ALLC: variants seen among roughly 807,000 people sequenced by gnomAD.
ALLC encodes the protein probable inactive allantoicase.
In ALLC, 40 loss-of-function variants were observed where a neutral mutation model predicts 45.0. The observed-to-expected ratio is 0.89, with a 90% CI of 0.69 to 1.16. The LOEUF is 1.16. Among genes scored for constraint, ALLC ranks in the 50% most tolerant of loss-of-function variants. ALLC has a pLI of 0.00. For missense variants in ALLC, 488 were observed against 493.1 expected, an observed-to-expected ratio of 0.99 and a Z score of 0.10; for synonymous variants, 176 against 178.1, an observed-to-expected ratio of 0.99 and a Z score of 0.09.
rs372310555 is a variant in ALLC, at chr2:3,702,612, T to C, written c.*49T>C. ...ACACACAGCAGTAATTTCCCAGTCA[T>C]AGTCTTCTTTTCAAATGTTTTGAAC... On this transcript the variant is annotated 3_prime_UTR_variant, in exon 12 of 12. Transcript: ENST00000252505. 178 of 1,478,738 alleles carry C rather than the reference T, an allele frequency of 1.2e-4. No individual in the cohort carries two copies. The highest frequency in any genetic ancestry group is 1.5e-4 in the Non-Finnish European group (171 of 1,111,738). 91.6% of individuals were successfully genotyped at this position (1,478,738 alleles called of 1,614,324 possible).
chr2:3,646,911 T>C, the ALLC span, among the ~76,000 whole-genome samples: 1 of 150,054 alleles, frequency 6.7e-6, no homozygotes, highest in Non-Finnish European at 1.5e-5. Flanking sequence ...GTTTGTGTGT[T>C]GGGGGGCCAG....
Position 3,679,856 on chromosome 2 carries a change from C to T in ALLC, c.173-13C>T, listed in dbSNP as rs369569163. The T allele has an allele frequency of 4.0e-5, 65 of 1,613,592 alleles. 1 individual carries two copies. In the South Asian group the frequency reaches 6.9e-4, roughly 17 times the overall value. ...GCCCTAACGAGACTGCTCTTGTCCT[C>T]TGTGTTGCGCAGGTCACGACTGGTG... On this transcript the variant is annotated splice_polypyrimidine_tract_variant and intron_variant, in intron 4 of 11. Coordinates refer to ENST00000252505, the MANE Select transcript of ALLC (RefSeq NM_018436.4).
intron 1 of ALLC, among the ~76,000 whole-genome samples, chr2:3,660,066 C>T (rs1666533001): frequency 6.6e-6 from 1 of 152,194 alleles, no homozygotes; most frequent in South Asian, 2.1e-4. Context: ...CAATCAGATC[C>T]CCCGTGTTGG....
chr2:3,689,057 A>G (rs1667405531), intron 7 of ALLC: 1 of 150,768 alleles, frequency 6.6e-6, no homozygotes, highest in Non-Finnish European at 1.5e-5. Flanking sequence ...AAGAGAAGAG[A>G]GCCAGTCTCA....
At chr2:3,668,841 G>A (rs545139237) in intron 1 of ALLC, among the ~76,000 whole-genome samples, 41 of 151,792 alleles carry the variant, frequency 2.7e-4, no homozygotes, top group African/African-American at 9.9e-4. Context: ...CTCCCAAAGT[G>A]TTGGGATTAC....
chr2:3,660,275 A>G (rs994897397), intron 1 of ALLC, among the ~76,000 whole-genome samples: 7 of 152,232 alleles, frequency 4.6e-5, no homozygotes, highest in African/African-American at 1.4e-4. Context: ...ACTTCCTACC[A>G]GGAGTGGAAG....
At chr2:3,651,767 A>G in the ALLC span, among the ~76,000 whole-genome samples, 1 of 152,054 alleles carries the variant, frequency 6.6e-6, no homozygotes, top group East Asian at 1.9e-4. Context: ...GCAGGACGAG[A>G]TCCCTGACAG....
At chr2:3,696,238 C>A in intron 8 of ALLC, 37 bp from the exon 9 acceptor site, 2 of 1,543,062 alleles carry the variant, frequency 1.3e-6, no homozygotes, top group South Asian at 2.3e-5. Flanking sequence ...TAGTTAAAAT[C>A]ATGCAGTTTA....
chr2:3,702,259 C>A, intron 11 of ALLC, 104 bp from the exon 12 acceptor site: 2 of 883,768 alleles, frequency 2.3e-6, no homozygotes, highest in Non-Finnish European at 3.4e-6. Context: ...ATTTTAAAGC[C>A]CCTTCGGTTA....
At chr2:3,682,060 TAAAA>T (rs1164695777) in intron 6 of ALLC, among the ~76,000 whole-genome samples, 3 of 152,184 alleles carry the variant, frequency 2.0e-5, no homozygotes, top group Admixed American at 2.0e-4. Flanking sequence ...GAGAATTTAA[TAAAA>T]GAAACGGGGG....
chr2:3,679,581 T>C (rs1667116811), intron 4 of ALLC, among the ~76,000 whole-genome samples: 1 of 152,208 alleles, frequency 6.6e-6, no homozygotes, highest in Non-Finnish European at 1.5e-5. Context: ...AGGACAGTCA[T>C]AGGAAATGAT....
At chr2:3,679,756 A>G in intron 4 of ALLC, 113 bp from the exon 5 acceptor site, 2 of 1,448,180 alleles carry the variant, frequency 1.4e-6, no homozygotes, top group Admixed American at 1.7e-5. Flanking sequence ...TTTTTCTGTG[A>G]TGGACGGAAT....
the ALLC span, among the ~76,000 whole-genome samples, chr2:3,648,932 G>A: frequency 6.6e-6 from 1 of 152,216 alleles, no homozygotes; most frequent in East Asian, 1.9e-4. Context: ...TACATGACAC[G>A]ATGTGTGTAG....
chr2:3,655,738 G>A (rs1316367213), upstream of ALLC, among the ~76,000 whole-genome samples: 1 of 152,240 alleles, frequency 6.6e-6, no homozygotes, highest in Non-Finnish European at 1.5e-5. Context: ...GGGATTATAA[G>A]CATGGACCAC....
chr2:3,699,330 T>C (rs190443548), intron 10 of ALLC, among the ~76,000 whole-genome samples: 1 of 152,328 alleles, frequency 6.6e-6, no homozygotes, highest in East Asian at 1.9e-4. Context: ...CAAAGGACAT[T>C]ATCTCATTCC....
chr2:3,657,375 C>T (rs112094187), upstream of ALLC, among the ~76,000 whole-genome samples: 255 of 152,330 alleles, frequency 1.7e-3, no homozygotes, highest in African/African-American at 6.0e-3. Context: ...GAAAAAGGAG[C>T]GTGTGGGTGA....
At chr2:3,675,597 TATAC>T (rs1373417627) in intron 3 of ALLC, among the ~76,000 whole-genome samples, 3,697 of 151,646 alleles carry the variant, frequency 0.024, 145 homozygotes, top group African/African-American at 0.084. Flanking sequence ...TATATATATA[TATAC>T]ACACACACAC....
At chr2:3,674,469 A>G (rs920955241) in intron 3 of ALLC, among the ~76,000 whole-genome samples, 5 of 152,198 alleles carry the variant, frequency 3.3e-5, no homozygotes, top group Non-Finnish European at 5.9e-5. Context: ...CTGCCTAATT[A>G]TAAAAGTGCA....
In ALLC at chr2:3,698,526, C is replaced by T. The variant is rs116594543; in HGVS notation, c.850+1070C>T. ...GCAGTGGTTTACACATTTTTAAAAC[C>T]GTACACCTCTATGTGTTTAAAAAAT... On this transcript the variant is annotated intron_variant, in intron 10 of 11. Coordinates refer to ENST00000252505, the MANE Select transcript of ALLC (RefSeq NM_018436.4). Among the ~76,000 whole-genome samples, 40 of 152,284 alleles carry T rather than the reference C, an allele frequency of 2.6e-4. 1 individual carries two copies. Among genetic ancestry groups the T allele is most frequent in the African/African-American group, 7.5e-4 (31 of 41,548 alleles).
Sources: allele counts gnomAD v4.1 joint callset (sites outside exome capture counted in the v4.1 genomes callset), GRCh38; gene constraint gnomAD v4.1.1; transcripts MANE v1.5; gene names NCBI Gene and HGNC (gene_info 2026-07-23, HGNC 2026-07-21).